Variants in PLXNA4 observed in about 807,000 individuals in gnomAD.
The protein encoded by PLXNA4 is plexin A4.
Under a neutral mutation model 191.8 loss-of-function variants are expected in PLXNA4, and 44 were observed. The ratio of observed to expected loss-of-function variants is 0.23; its 90% CI spans 0.18 to 0.29. The LOEUF is 0.29. Ranked by LOEUF, PLXNA4 falls within the 10% of genes least tolerant of loss-of-function variation. PLXNA4 has a pLI of 1.00. For synonymous variants in PLXNA4, 1,082 were observed against 1,009.5 expected, an observed-to-expected ratio of 1.07 and a Z score of -1.36; for missense variants, 1,800 against 2,488.8, an observed-to-expected ratio of 0.72 and a Z score of 5.89.
chr7:132,148,108 G>C (rs1306066045), intron 26 of PLXNA4, 109 bp from the exon 27 acceptor site: 11 of 1,525,444 alleles, frequency 7.2e-6, no homozygotes, highest in Non-Finnish European at 9.8e-6. Flanking sequence ...TGCCTTGCTG[G>C]AGAACTAGGG....
At chr7:132,505,653 G>A (rs1323713933) in intron 2 of PLXNA4, among the ~76,000 whole-genome samples, 1 of 152,102 alleles carries the variant, frequency 6.6e-6, no homozygotes, top group Non-Finnish European at 1.5e-5. Context: ...TGTGACCTTG[G>A]GCAATTCATT....
intron 4 of PLXNA4, among the ~76,000 whole-genome samples, chr7:132,277,527 A>G (rs917237164): frequency 3.3e-5 from 5 of 152,172 alleles, no homozygotes; most frequent in Non-Finnish European, 5.9e-5. Context: ...CCCTGGGGAG[A>G]TGAGTCCTAC....
At chr7:132,397,946 T>A (rs557881451) in intron 3 of PLXNA4, among the ~76,000 whole-genome samples, 1 of 152,306 alleles carries the variant, frequency 6.6e-6, no homozygotes, top group Admixed American at 6.5e-5. Flanking sequence ...CACCTTCTCT[T>A]CCATCACCCC....
At chr7:132,581,086 C>T (rs1802394181), upstream of PLXNA4, among the ~76,000 whole-genome samples, 1 of 152,208 alleles carries the variant, frequency 6.6e-6, no homozygotes, top group South Asian at 2.1e-4. Context: ...GCTGCCATTT[C>T]GAGGGATGGG....
intron 1 of PLXNA4, among the ~76,000 whole-genome samples, chr7:132,521,448 G>A (rs924674756): frequency 1.3e-5 from 2 of 152,124 alleles, no homozygotes; most frequent in Non-Finnish European, 2.9e-5. Flanking sequence ...TTACTCCCAA[G>A]AATTAACACG....
intron 2 of PLXNA4, among the ~76,000 whole-genome samples, chr7:132,584,217 A>G (rs1342463577): frequency 6.6e-6 from 1 of 152,054 alleles, no homozygotes; most frequent in East Asian, 1.9e-4. Flanking sequence ...TCCATACCCC[A>G]CCTTTTAATT....
intron 5 of PLXNA4, among the ~76,000 whole-genome samples, chr7:132,238,250 G>T (rs1798767863): frequency 6.6e-6 from 1 of 152,126 alleles, no homozygotes; most frequent in Admixed American, 6.6e-5. Context: ...ACAAAACAAG[G>T]TTATAGATGG....
chr7:132,372,751 A>G (rs1394217210), intron 3 of PLXNA4, among the ~76,000 whole-genome samples: 1 of 152,218 alleles, frequency 6.6e-6, no homozygotes, highest in Non-Finnish European at 1.5e-5. Context: ...CTGCATAAAC[A>G]TCAATACAAG....
In PLXNA4 at chr7:132,508,286, G is replaced by A; in HGVS notation, c.408C>T (p.Gly136=). ...RLIACGSLYQ[G]ICKLLRLEDL... is the part of the protein sequence containing the mutation. ...CCTCCAGCCTCAGCAGCTTGCAGAT[G>A]CCTTGGTACAGGCTCCCACAGGCAA... The change falls in exon 2 of 32, where the codon GGC becomes GGT. Residue 136 remains glycine, a synonymous_variant. Coordinates refer to ENST00000321063, the MANE Select transcript of PLXNA4 (RefSeq NM_020911.2). The surrounding 1 kb of genome is among the most constrained non-coding windows in gnomAD (Gnocchi z 4.4). The A allele has an allele frequency of 1.9e-6, 3 of 1,614,212 alleles. No individual in the cohort carries two copies. The highest frequency in any genetic ancestry group is 2.5e-6 in the Non-Finnish European group (3 of 1,180,048).
At chr7:132,238,821 G>A (rs929656060) in intron 5 of PLXNA4, among the ~76,000 whole-genome samples, 23 of 152,186 alleles carry the variant, frequency 1.5e-4, no homozygotes, top group Non-Finnish European at 2.6e-4. Flanking sequence ...AAGAGGGGGG[G>A]GGGCACCCAT....
chr7:132,136,280 A>G (rs1044490328), intron 30 of PLXNA4, among the ~76,000 whole-genome samples: 1 of 152,182 alleles, frequency 6.6e-6, no homozygotes, highest in African/African-American at 2.4e-5. Flanking sequence ...AGGCTCTGTT[A>G]AGGAACTTTA....
At chr7:132,451,193 G>A (rs1796108752) in intron 3 of PLXNA4, among the ~76,000 whole-genome samples, 1 of 152,212 alleles carries the variant, frequency 6.6e-6, no homozygotes, top group South Asian at 2.1e-4. Flanking sequence ...CTTCACAGCT[G>A]AGGCCTCATC....
chr7:132,279,542 G>A (rs1260657704), intron 4 of PLXNA4, among the ~76,000 whole-genome samples: 1 of 152,116 alleles, frequency 6.6e-6, no homozygotes, highest in East Asian at 1.9e-4. Context: ...GGCTGAGGTG[G>A]GAGGGTTGCT....
Position 132,270,690 on chromosome 7 carries a change from A to AG in PLXNA4, c.1503+27400dup, listed in dbSNP as rs1440421716. ...AGTACTGCTAATAAACCTGATGTAC[A>AG]GGCAGAATCATTTACAATGCGGAGG... On this transcript the variant is annotated intron_variant, in intron 4 of 31. Coordinates refer to ENST00000321063, the MANE Select transcript of PLXNA4 (RefSeq NM_020911.2). Among the ~76,000 whole-genome samples, 7 of 152,350 alleles carry AG rather than the reference A, an allele frequency of 4.6e-5. No individual in the cohort carries two copies. The East Asian group carries it at 1.4e-3, about 29-fold the overall frequency.
chr7:132,481,201 G>T (rs1032599640), intron 3 of PLXNA4, among the ~76,000 whole-genome samples: 3 of 152,094 alleles, frequency 2.0e-5, no homozygotes. Context: ...ATGGATTAAA[G>T]AGGGGAAAAT....
chr7:132,207,921 C>A (rs1191569052), intron 10 of PLXNA4, among the ~76,000 whole-genome samples: 3 of 152,212 alleles, frequency 2.0e-5, no homozygotes, highest in Non-Finnish European at 4.4e-5. Flanking sequence ...TGTTATGAAA[C>A]TGGATTCAAG....
At chr7:132,348,076 T>A (rs775664075) in intron 3 of PLXNA4, among the ~76,000 whole-genome samples, 5 of 152,100 alleles carry the variant, frequency 3.3e-5, no homozygotes, top group Non-Finnish European at 5.9e-5. Context: ...GCAGGAGGTG[T>A]CAGATATCAA....
At chr7:132,561,302 CCT>C (rs1340450431) in intron 1 of PLXNA4, among the ~76,000 whole-genome samples, 14 of 151,348 alleles carry the variant, frequency 9.3e-5, no homozygotes, top group African/African-American at 3.4e-4. Context: ...TCCTTCTCCT[CCT>C]CTTTCTCCTT....
intron 3 of PLXNA4, among the ~76,000 whole-genome samples, chr7:132,437,913 G>A (rs1795537547): frequency 6.6e-6 from 1 of 152,188 alleles, no homozygotes; most frequent in South Asian, 2.1e-4. Context: ...TGAAGAGGTG[G>A]GAGGAGTGAA....
Sources: gnomAD v4.1 joint callset for allele counts (sites outside exome capture counted in the v4.1 genomes callset) on GRCh38, gnomAD v4.1.1 for gene constraint, Gnocchi (gnomAD v3.1) non-coding constraint, MANE v1.5 for transcripts, NCBI Gene and HGNC (gene_info 2026-07-23, HGNC 2026-07-21) for gene names.